The following CCDC172 variants were observed in gnomAD, a reference collection of about 807,000 sequenced individuals.
CCDC172 encodes coiled-coil domain containing 172.
CCDC172 carries 30 observed loss-of-function variants against 38.0 expected under a neutral mutation model. The observed-to-expected ratio is 0.79, with a 90% CI of 0.59 to 1.07. CCDC172 has a LOEUF of 1.07. Among genes scored for constraint, CCDC172 ranks in the 50% least tolerant of loss-of-function variants. The pLI is 0.00. For synonymous variants in CCDC172, 78 were observed against 88.3 expected, an observed-to-expected ratio of 0.88 and a Z score of 0.66; for missense variants, 297 against 290.1, an observed-to-expected ratio of 1.02 and a Z score of -0.17.
At chr10:116,330,754 G>C (rs141634325) in intron 3 of CCDC172, among the ~76,000 whole-genome samples, 1,560 of 152,136 alleles carry the variant, frequency 0.01, 35 homozygotes, top group African/African-American at 0.033. Context: ...ATTTTTAAGA[G>C]ACAGAGTCTC....
chr10:116,324,928 T>C lies in CCDC172; in HGVS notation c.-65-19T>C. 1 of 1,133,174 alleles carries C rather than the reference T, an allele frequency of 8.8e-7. No individual in the cohort carries two copies. Among genetic ancestry groups the C allele is most frequent in the South Asian group, 1.3e-5 (1 of 78,150 alleles). 70.2% of individuals were successfully genotyped at this position (1,133,174 alleles called of 1,614,324 possible). ...GGAATGGTTCTAGAAGAATCCATCTTCTTTATTCTGCTTTCCAGGATCCTC... is the reference window on the plus strand; with the variant it reads ...GGAATGGTTCTAGAAGAATCCATCTCCTTTATTCTGCTTTCCAGGATCCTC... On this transcript the variant is annotated intron_variant, in intron 1 of 8. Coordinates refer to ENST00000333254, the MANE Select transcript of CCDC172 (RefSeq NM_198515.3).
In CCDC172 at chr10:116,324,613, G is replaced by C. The variant is rs890528834; in HGVS notation, c.-66G>C. ...CTGCCCAGACGCCCTCAAAAGCCAA[G>C]GTCTTGGCAGCCTTTTTATTTGCCA... On this transcript the variant is annotated splice_region_variant and 5_prime_UTR_variant, in exon 1 of 9. Transcript: ENST00000333254. The C allele has an allele frequency of 5.7e-6, 1 of 174,606 alleles. No homozygotes were observed. Among genetic ancestry groups the C allele is most frequent in the Non-Finnish European group, 1.2e-5 (1 of 82,344 alleles). 10.8% of individuals were successfully genotyped at this position (174,606 alleles called of 1,614,324 possible).
At chr10:116,373,943 C>T (rs1156659451) in intron 7 of CCDC172, among the ~76,000 whole-genome samples, 3 of 152,148 alleles carry the variant, frequency 2.0e-5, no homozygotes, top group Non-Finnish European at 4.4e-5. Context: ...GTTCCAGTTA[C>T]CCACATTCAC....
At chr10:116,340,402 T>G (rs188265199) in intron 3 of CCDC172, among the ~76,000 whole-genome samples, 2 of 151,976 alleles carry the variant, frequency 1.3e-5, no homozygotes, top group Non-Finnish European at 3.0e-5. Flanking sequence ...CAAACAGTCT[T>G]AAAGCAGATT....
At chr10:116,342,314 C>T (rs1206280087) in intron 5 of CCDC172, 113 bp downstream of exon 5, 25 of 785,470 alleles carry the variant, frequency 3.2e-5, no homozygotes, top group South Asian at 1.1e-4. Context: ...TATTGCATAG[C>T]GATTCTTTTA....
At chr10:116,379,269 AT>A in intron 8 of CCDC172, 53 bp from the exon 9 acceptor site, 1 of 1,035,370 alleles carries the variant, frequency 9.7e-7, no homozygotes, top group East Asian at 2.8e-5. Flanking sequence ...TTATGTAATT[AT>A]TTTATTAAGA....
At chr10:116,337,207 G>A (rs1386882610) in intron 3 of CCDC172, among the ~76,000 whole-genome samples, 1 of 150,572 alleles carries the variant, frequency 6.6e-6, no homozygotes, top group Non-Finnish European at 1.5e-5. Flanking sequence ...AGGCTGGAGT[G>A]CAGTGGCACA....
chr10:116,371,687 A>G (rs184628125), intron 7 of CCDC172, among the ~76,000 whole-genome samples: 1 of 152,240 alleles, frequency 6.6e-6, no homozygotes, highest in East Asian at 1.9e-4. Context: ...TCAGCAAAAC[A>G]AAACAAAAAC....
rs1271865476 is a variant in CCDC172 at position 116,357,448 on chromosome 10, C to A, written c.517C>A (p.Gln173Lys). The change falls in exon 6 of 9, where the codon CAA becomes AAA. Residue 173 changes from glutamine to lysine, a missense_variant. By Grantham distance (53) the Gln-to-Lys change is moderately conservative. Coordinates refer to ENST00000333254, the MANE Select transcript of CCDC172 (RefSeq NM_198515.3). ...ELQKQKSELI[Q>K]ELFTLQRKLK... is the part of the protein sequence containing the mutation. ...TCAAAAACAAAAGAGTGAATTGATACAAGAATTATTTACTCTCCAAAGAAA... is the reference window on the plus strand; with the variant it reads ...TCAAAAACAAAAGAGTGAATTGATAAAAGAATTATTTACTCTCCAAAGAAA... The A allele has an allele frequency of 6.3e-7, 1 of 1,580,338 alleles. No individual in the cohort carries two copies. The highest frequency in any genetic ancestry group is 8.6e-7 in the Non-Finnish European group (1 of 1,165,812).
Position 116,378,462 on chromosome 10 carries a change from G to A in CCDC172, c.693G>A (p.Met231Ile). The change falls in exon 8 of 9, where the codon ATG (methionine) becomes ATA (isoleucine). Residue 231 changes from methionine (M) to isoleucine (I), a missense_variant. Physicochemically the swap from Met to Ile is conservative, Grantham distance 10. Transcript: ENST00000333254. ...KELELYKEDD[M>I]ESVYEALQTE... The stretch of plus-strand genomic sequence containing the variant: ...TAGAACTTTATAAGGAAGATGACAT[G>A]GAAAGTGTTTATGAAGCTCTCCAAA... 1 of 1,603,632 alleles carries A rather than the reference G, an allele frequency of 6.2e-7. No homozygotes were observed. Among genetic ancestry groups the A allele is most frequent in the Admixed American group, 1.7e-5 (1 of 57,878 alleles).
At chr10:116,368,819 A>T (rs1331141668) in intron 7 of CCDC172, among the ~76,000 whole-genome samples, 1 of 152,080 alleles carries the variant, frequency 6.6e-6, no homozygotes, top group Non-Finnish European at 1.5e-5. Context: ...TGGTAAATTT[A>T]CACAATCTCC....
intron 7 of CCDC172, among the ~76,000 whole-genome samples, chr10:116,376,591 G>C (rs1049073203): frequency 2.0e-5 from 3 of 152,080 alleles, no homozygotes; most frequent in Non-Finnish European, 2.9e-5. Flanking sequence ...TGCTGATTTG[G>C]CAATAAATTT....
intron 5 of CCDC172, among the ~76,000 whole-genome samples, chr10:116,356,254 C>T (rs1320969174): frequency 4.6e-5 from 7 of 151,634 alleles, no homozygotes; most frequent in African/African-American, 1.2e-4. Context: ...CGCTTGAACC[C>T]GGGAGGCAAA....
chr10:116,369,638 G>T (rs1845163033), intron 7 of CCDC172, among the ~76,000 whole-genome samples: 1 of 151,904 alleles, frequency 6.6e-6, no homozygotes, highest in Non-Finnish European at 1.5e-5. Context: ...CACTTAAATT[G>T]TTTCCAGTAT....
chr10:116,369,766 T>C (rs1297230344), intron 7 of CCDC172, among the ~76,000 whole-genome samples: 1 of 152,074 alleles, frequency 6.6e-6, no homozygotes, highest in East Asian at 1.9e-4. Flanking sequence ...AATGTAGTTT[T>C]GTTGGATCTT....
chr10:116,348,075 A>G (rs1844888111), intron 5 of CCDC172, among the ~76,000 whole-genome samples: 1 of 152,068 alleles, frequency 6.6e-6, no homozygotes, highest in Admixed American at 6.6e-5. Flanking sequence ...CACAAAAAGC[A>G]TACTGACGCT....
At chr10:116,377,791 GT>G (rs1329950582) in intron 7 of CCDC172, among the ~76,000 whole-genome samples, 1 of 152,058 alleles carries the variant, frequency 6.6e-6, no homozygotes, top group Non-Finnish European at 1.5e-5. Context: ...AGCTTATTCA[GT>G]TTGCTGGTGG....
intron 7 of CCDC172, among the ~76,000 whole-genome samples, chr10:116,374,890 G>A (rs535635253): frequency 4.6e-4 from 67 of 146,232 alleles, no homozygotes; most frequent in Non-Finnish European, 6.8e-4. Context: ...ATGTAGATAC[G>A]TTAAAAAAAA....
chr10:116,345,847 G>A (rs7099465), intron 5 of CCDC172, among the ~76,000 whole-genome samples: 152 of 152,172 alleles, frequency 1.0e-3, no homozygotes, highest in African/African-American at 3.4e-3. Flanking sequence ...GGTAGTGATG[G>A]GAATGTAAAA....
Sources: allele counts gnomAD v4.1 joint callset (sites outside exome capture counted in the v4.1 genomes callset), GRCh38; gene constraint gnomAD v4.1.1; transcripts MANE v1.5; gene names NCBI Gene and HGNC (gene_info 2026-07-23, HGNC 2026-07-21).